The following SLC4A2 variants were observed in gnomAD, a reference collection of about 807,000 sequenced individuals.
SLC4A2 encodes the protein solute carrier family 4 member 2.
Under a neutral mutation model 115.0 loss-of-function variants are expected in SLC4A2, and 36 were observed. That is an observed-to-expected ratio of 0.31 (90% CI 0.24 to 0.41). The LOEUF is 0.41. SLC4A2 is among the 10% of genes least tolerant of loss of function. SLC4A2 has a pLI of 1.00. For missense variants in SLC4A2, 1,252 were observed against 1,705.6 expected (o/e 0.73, Z 4.68); for synonymous variants, 708 against 708.3 (o/e 1.00, Z 0.01).
chr7:151,062,588 G>A (rs1461225807), intron 2 of SLC4A2: 3 of 1,475,516 alleles, frequency 2.0e-6, no homozygotes, highest in Non-Finnish European at 2.7e-6. Flanking sequence ...TGACTGGGAA[G>A]GGGCACAGGC....
Position 151,061,937 on chromosome 7 carries a change from C to T in SLC4A2, c.-51C>T. 6.3e-7 allele frequency: 1 copy of T among 1,575,194 alleles called. No homozygotes were observed. The highest frequency in any genetic ancestry group is 8.7e-7 in the Non-Finnish European group (1 of 1,154,482). ...CTCCCCCATCCAGGTTATGCCTCCGCCTCGTTGCCCTGAAAGCCGCAGCGA... is the reference window on the plus strand; with the variant it reads ...CTCCCCCATCCAGGTTATGCCTCCGTCTCGTTGCCCTGAAAGCCGCAGCGA... On this transcript the variant is annotated 5_prime_UTR_variant, in exon 2 of 23. Coordinates refer to ENST00000413384, the MANE Select transcript of SLC4A2 (RefSeq NM_003040.4).
At chr7:151,062,771 T>C in intron 2 of SLC4A2, 2 of 1,367,480 alleles carry the variant, frequency 1.5e-6, no homozygotes, top group African/African-American at 3.0e-5. Context: ...GCTGGGCGCT[T>C]AGGGGAGCCA....
chr7:151,059,630 G>A lies in SLC4A2; in HGVS notation c.-196G>A, dbSNP rs1317762098. 1 of 151,462 alleles carries A rather than the reference G, an allele frequency of 6.6e-6. No individual in the cohort carries two copies. Among genetic ancestry groups the A allele is most frequent in the Non-Finnish European group, 1.5e-5 (1 of 67,732 alleles). 9.4% of individuals were successfully genotyped at this position (151,462 alleles called of 1,614,324 possible). ...CCTGCCCGCGGCGCGGGGGAAAGTT[G>A]AGTTGGGAGAAGTTGGGAGCGGCGG... On this transcript the variant is annotated 5_prime_UTR_variant, in exon 1 of 23. Coordinates refer to ENST00000413384, the MANE Select transcript of SLC4A2 (RefSeq NM_003040.4). This position sits in a 1 kb window ranked among gnomAD's most constrained non-coding sequence, Gnocchi z 5.8.
rs896085030 is a variant in SLC4A2 at position 151,074,381 on chromosome 7, C to T, written c.2791-18C>T. 9.9e-6 allele frequency: 16 copies of T among 1,612,890 alleles called. No individual in the cohort carries two copies. Among genetic ancestry groups the T allele is most frequent in the Non-Finnish European group, 1.2e-5 (14 of 1,179,764 alleles). On this transcript the variant is annotated intron_variant, in intron 17 of 22. Coordinates refer to ENST00000413384, the MANE Select transcript of SLC4A2 (RefSeq NM_003040.4). ...GGCTGTGGTGGCAGGACTCTGAGCG[C>T]TGTGCCTGCCCACTCAGATCCGGCG...
Position 151,075,505 on chromosome 7 carries a change from G to A in SLC4A2, c.3298G>A (p.Val1100Met). 6.3e-7 allele frequency: 1 copy of A among 1,599,022 alleles called. No homozygotes were observed. The highest frequency in any genetic ancestry group is 8.5e-7 in the Non-Finnish European group (1 of 1,178,896). The change falls in exon 20 of 23, where the codon GTG becomes ATG. Residue 1100 changes from valine to methionine, a missense_variant. Val to Met is a conservative substitution (Grantham distance 21). Transcript: ENST00000413384. ...RVTGLLVALLVGLSIVIGDLL... is the reference protein window; with the variant it reads ...RVTGLLVALLMGLSIVIGDLL... ...GACGGGGCTGCTGGTTGCCCTGCTT[G>A]TGGGTACGTTGCCTCTTGCCTTTCC...
At position 151,076,079 on chromosome 7, in the gene SLC4A2, G is replaced by T. The variant is rs762498559; in HGVS notation, c.3538G>T (p.Val1180Phe). The part of the protein sequence containing the change: ...QLLCLALLWA[V>F]MSTAASLAFP... The stretch of plus-strand genomic sequence containing the variant: ...GCTCTGCCTGGCCCTGCTCTGGGCC[G>T]TCATGTCCACAGCTGCCTCCCTGGC... The change falls in exon 22 of 23, where the codon GTC (valine) becomes TTC (phenylalanine). Residue 1180 changes from valine (V) to phenylalanine (F), a missense_variant. Val to Phe is a conservative substitution (Grantham distance 50). Around this residue, in one of 14 missense-constraint regions of SLC4A2, gnomAD observed 253 missense variants for 407.4 expected, o/e 0.62. Coordinates refer to ENST00000413384, the MANE Select transcript of SLC4A2 (RefSeq NM_003040.4). The T allele has an allele frequency of 6.2e-7, 1 of 1,611,226 alleles. No homozygotes were observed. The highest frequency in any genetic ancestry group is 1.3e-5 in the African/African-American group (1 of 74,900).
At position 151,071,042 on chromosome 7, in the gene SLC4A2, C is replaced by T. The variant is rs1323803885; in HGVS notation, c.1750-30C>T. ...CAGGCCCTCAGCCCTCTTCTTTGTG[C>T]TCTCCCCCATCCCCATGCTGCTTTG... On this transcript the variant is annotated intron_variant, in intron 12 of 22. Transcript: ENST00000413384. This position sits in a 1 kb window ranked among gnomAD's most constrained non-coding sequence, Gnocchi z 5.5. The T allele has an allele frequency of 3.1e-6, 5 of 1,609,516 alleles. No individual in the cohort carries two copies. Among genetic ancestry groups the T allele is most frequent in the Non-Finnish European group, 3.4e-6 (4 of 1,177,706 alleles).
chr7:151,065,404 G>C (rs548890540), intron 5 of SLC4A2, among the ~76,000 whole-genome samples: 12 of 152,244 alleles, frequency 7.9e-5, no homozygotes, highest in African/African-American at 2.9e-4. Context: ...CCTCTCCTTG[G>C]GGCACTGCCA....
At chr7:151,066,468 G>C (rs12703111) in intron 5 of SLC4A2, 49 bp from the exon 6 acceptor site, 1,121,834 of 1,454,528 alleles carry the variant, frequency 0.77, 436,544 homozygotes, top group Admixed American at 0.83. Flanking sequence ...TGCTGGGCGT[G>C]GGGGAGGAGG....
In SLC4A2 at chr7:151,066,547, G is replaced by T. The variant is rs375839693; in HGVS notation, c.609G>T (p.Ala203=). ...GTQVEEAEAE[A]VAVASGTAGG... is the part of the protein sequence containing the mutation. ...AGGTGGAGGAGGCGGAGGCGGAGGC[G>T]GTGGCGGTGGCCAGTGGCACTGCAG... is the stretch of plus-strand genomic sequence containing the variant. The change falls in exon 6 of 23, where the codon GCG becomes GCT. Residue 203 remains alanine, a synonymous_variant. Transcript: ENST00000413384. 30 of 1,536,638 alleles carry T rather than the reference G, an allele frequency of 2.0e-5. No individual in the cohort carries two copies. The highest frequency in any genetic ancestry group is 2.5e-5 in the Non-Finnish European group (28 of 1,141,614).
chr7:151,068,059 C>A lies in SLC4A2; in HGVS notation c.1147+5C>A. 9 of 1,471,412 alleles carry A rather than the reference C, an allele frequency of 6.1e-6. No homozygotes were observed. The highest frequency in any genetic ancestry group is 8.1e-6 in the Non-Finnish European group (9 of 1,114,944). 91.1% of individuals were successfully genotyped at this position (1,471,412 alleles called of 1,614,324 possible). A position where few individuals can be genotyped will look rare whatever the true frequency, so the allele number is the denominator to read the frequency against. ...TCCGCAGGACCCTGGCCCATGGTAA[C>A]CCCGCTCCCCTCCACCTCCCGCCTG... On this transcript the variant is annotated splice_donor_5th_base_variant and intron_variant, in intron 8 of 22. Transcript: ENST00000413384.
At chr7:151,067,804 C>G in intron 7 of SLC4A2, 70 bp from the exon 8 acceptor site, 1 of 1,382,866 alleles carries the variant, frequency 7.2e-7, no homozygotes, top group Non-Finnish European at 1.0e-6. Flanking sequence ...TGACACCACT[C>G]ACCTCTGACA....
rs1796993719 is a variant in SLC4A2, at chr7:151,059,963, G to A, written c.-64+201G>A. ...TGCTGGTCGGAAGCGGGCATTCCGG[G>A]GTCCCCTTCTCAGAGTTCCCTAAAG... On this transcript the variant is annotated intron_variant, in intron 1 of 22. Transcript: ENST00000413384. The surrounding 1 kb of genome is among the most constrained non-coding windows in gnomAD (Gnocchi z 5.8). The A allele has an allele frequency of 6.6e-6, 1 of 152,110 alleles. No individual in the cohort carries two copies. Among genetic ancestry groups the A allele is most frequent in the African/African-American group, 2.4e-5 (1 of 41,388 alleles). The allele number at this position is 152,110 out of a possible 1,614,324, so 9.4% of individuals were successfully genotyped here.
intron 2 of SLC4A2, 83 bp downstream of exon 2, chr7:151,062,121 A>G: frequency 1.9e-6 from 2 of 1,065,804 alleles, no homozygotes; most frequent in Non-Finnish European, 2.8e-6. Context: ...CTCGCCAACC[A>G]GGGGTGTGAG....
At position 151,070,462 on chromosome 7, in the gene SLC4A2, G is replaced by A. The variant is rs1797395038; in HGVS notation, c.1455G>A (p.Glu485=). The A allele has an allele frequency of 6.2e-7, 1 of 1,612,218 alleles. No individual in the cohort carries two copies. Among genetic ancestry groups the A allele is most frequent in the African/African-American group, 1.3e-5 (1 of 75,002 alleles). Residue 485 remains glutamate, a synonymous_variant, in exon 11 of 23, where the codon GAG becomes GAA. Coordinates refer to ENST00000413384, the MANE Select transcript of SLC4A2 (RefSeq NM_003040.4). ...GCCCTGTCTGTGTCCCCCAGCGTGAGCTGCCGCCTCCAGCACCACCAGCTG... is the reference window on the plus strand; with the variant it reads ...GCCCTGTCTGTGTCCCCCAGCGTGAACTGCCGCCTCCAGCACCACCAGCTG... ...ETRLEVERER[E]LPPPAPPAGI...
rs1797626680 is a variant in SLC4A2, at chr7:151,076,138, C to G, written c.3597C>G (p.Leu1199=). ...TCATCCTCATCCTCACAGTGCCGCT[C>G]CGCATGGTGGTGCTCACCCGTATCT... is the stretch of plus-strand genomic sequence containing the variant. ...FPFILILTVP[L]RMVVLTRIFT... Residue 1199 remains leucine, a synonymous_variant, in exon 22 of 23, where the codon CTC becomes CTG. Coordinates refer to ENST00000413384, the MANE Select transcript of SLC4A2 (RefSeq NM_003040.4). The G allele has an allele frequency of 6.2e-7, 1 of 1,610,576 alleles. No homozygotes were observed. The highest frequency in any genetic ancestry group is 1.3e-5 in the African/African-American group (1 of 74,942).
intron 16 of SLC4A2, among the ~76,000 whole-genome samples, chr7:151,073,049 A>C (rs765542232): frequency 3.3e-5 from 5 of 152,026 alleles, no homozygotes; most frequent in Non-Finnish European, 7.4e-5. Context: ...CAAACTCCTG[A>C]GCTCAAGTGA....
At chr7:151,066,395 A>T in intron 5 of SLC4A2, 122 bp from the exon 6 acceptor site, 1 of 1,185,456 alleles carries the variant, frequency 8.4e-7, no homozygotes, top group Non-Finnish European at 1.1e-6. Context: ...ACCTCCCGGG[A>T]GTGGGAGCTA....
In SLC4A2 at chr7:151,071,723, G is replaced by A. The variant is rs1393098289; in HGVS notation, c.2226G>A (p.Glu742=). The A allele has an allele frequency of 6.2e-7, 1 of 1,611,412 alleles. No individual in the cohort carries two copies. Residue 742 remains glutamate (E), a synonymous_variant, in exon 15 of 23, where the codon GAG becomes GAA. Coordinates refer to ENST00000413384, the MANE Select transcript of SLC4A2 (RefSeq NM_003040.4). This position sits in a 1 kb window ranked among gnomAD's most constrained non-coding sequence, Gnocchi z 5.5. ...CGCAGGACCTGATAGGGGTGTCGGA[G>A]CTGATTATGTCCACAGCGCTCCAGG... ...EKTQDLIGVS[E]LIMSTALQGV...
Sources: gnomAD v4.1 joint callset for allele counts (sites outside exome capture counted in the v4.1 genomes callset) on GRCh38, gnomAD v4.1.1 for gene constraint, gnomAD v4.1.1 regional missense constraint, Gnocchi (gnomAD v3.1) non-coding constraint, MANE v1.5 for transcripts, NCBI Gene and HGNC (gene_info 2026-07-23, HGNC 2026-07-21) for gene names.